ADAMTS16: variants seen among roughly 807,000 people sequenced by gnomAD.
ADAMTS16 encodes ADAM metallopeptidase with thrombospondin type 1 motif 16, also known as A disintegrin and metalloproteinase with thrombospondin motifs 16.
ADAMTS16 carries 94 observed loss-of-function variants against 145.8 expected under a neutral mutation model. The observed-to-expected ratio is 0.64, with a 90% confidence interval of 0.55 to 0.77. The LOEUF (loss-of-function observed/expected upper bound fraction) is 0.77, where lower values mean the gene tolerates loss of function less well. ADAMTS16 is among the 30% of genes least tolerant of loss of function. The pLI, the probability that ADAMTS16 is intolerant of heterozygous loss-of-function variation, is 0.00. For synonymous variants in ADAMTS16, 659 were observed against 604.3 expected (o/e 1.09, Z -1.33); for missense variants, 1,585 against 1,591.5 (o/e 1.00, Z 0.07).
chr5:5,157,564 G>A (rs943934526), intron 3 of ADAMTS16, among the ~76,000 whole-genome samples: 2 of 152,114 alleles, frequency 1.3e-5, no homozygotes, highest in African/African-American at 4.8e-5. Context: ...CACTGAATAG[G>A]TATTTGTACA....
intron 18 of ADAMTS16, among the ~76,000 whole-genome samples, chr5:5,267,576 G>A (rs1412903323): frequency 6.6e-6 from 1 of 152,114 alleles, no homozygotes; most frequent in Non-Finnish European, 1.5e-5. Flanking sequence ...GCTGGTGCCT[G>A]TCAGCGTGCC....
rs778693053 is a variant in ADAMTS16, at chr5:5,242,081, T to C, written c.2552T>C (p.Val851Ala). Residue 851 changes from valine (V) to alanine (A), a missense_variant, in exon 17 of 23, where the codon GTT (valine) becomes GCT (alanine). Transcript: ENST00000274181. ...CTGTTTCAGGGAAGGAACCCGGGTG[T>C]TGCCTGGGAATACTCCATGCCTCGC... ...ELLFQGRNPG[V>A]AWEYSMPRLG... 6.2e-7 allele frequency: 1 copy of C among 1,614,180 alleles called. No homozygotes were observed.
chr5:5,213,432 G>A (rs1336863828), intron 10 of ADAMTS16, among the ~76,000 whole-genome samples: 1 of 152,086 alleles, frequency 6.6e-6, no homozygotes, highest in Non-Finnish European at 1.5e-5. Context: ...GTAAGTTTTA[G>A]TTCCAGAATT....
At chr5:5,151,909 G>A (rs972927020) in intron 3 of ADAMTS16, among the ~76,000 whole-genome samples, 12 of 152,052 alleles carry the variant, frequency 7.9e-5, no homozygotes, top group African/African-American at 1.2e-4. Context: ...TTCTGCCACT[G>A]GGAAGGAGTG....
chr5:5,218,940 C>G (rs147094681), intron 10 of ADAMTS16, among the ~76,000 whole-genome samples: 3 of 152,196 alleles, frequency 2.0e-5, no homozygotes, highest in Non-Finnish European at 4.4e-5. Context: ...CTCTTGACCA[C>G]GTTCAGCCAC....
At chr5:5,174,854 T>C (rs777178077) in intron 3 of ADAMTS16, among the ~76,000 whole-genome samples, 2 of 152,190 alleles carry the variant, frequency 1.3e-5, no homozygotes, top group Non-Finnish European at 2.9e-5. Context: ...CTGCCTCCAA[T>C]GCTCATTCAA....
intron 14 of ADAMTS16, among the ~76,000 whole-genome samples, chr5:5,237,874 G>T (rs1579332315): frequency 6.6e-6 from 1 of 152,000 alleles, no homozygotes; most frequent in African/African-American, 2.4e-5. Flanking sequence ...GAGGGAAGGG[G>T]TGGAAAAAAA....
intron 21 of ADAMTS16, among the ~76,000 whole-genome samples, chr5:5,313,208 G>A (rs749163234): frequency 6.6e-6 from 1 of 152,094 alleles, no homozygotes; most frequent in South Asian, 2.1e-4. Flanking sequence ...TGGCTGAAAG[G>A]GCTGTGTTTA....
At chr5:5,165,207 G>A (rs976677724) in intron 3 of ADAMTS16, among the ~76,000 whole-genome samples, 1 of 152,044 alleles carries the variant, frequency 6.6e-6, no homozygotes, top group South Asian at 2.1e-4. Flanking sequence ...CACAACACTG[G>A]GTCCTCTGCT....
chr5:5,225,944 C>CATTAATTCACATGGTCATGGA (rs1736752742), intron 11 of ADAMTS16, among the ~76,000 whole-genome samples: 2 of 107,234 alleles, frequency 1.9e-5, no homozygotes, highest in African/African-American at 3.0e-5. Context: ...ATGGTCATGG[C>CATTAATTCACATGGTCATGGA]GAAATTCAAC....
At position 5,303,646 on chromosome 5, in the gene ADAMTS16, G is replaced by A. The variant is rs369520360; in HGVS notation, c.3066G>A (p.Ala1022=). 2.2e-5 allele frequency: 36 copies of A among 1,613,924 alleles called. No homozygotes were observed. The highest frequency in any genetic ancestry group is 4.5e-5 in the East Asian group (2 of 44,878). ...ACKSTNPSAR[A]QLLPDAVCTS... The stretch of plus-strand genomic sequence containing the variant: ...AGAGCACCAACCCCTCGGCCAGAGC[G>A]CAGCTGCTGCCCGACGCTGTCTGCA... Residue 1022 remains alanine (A), a synonymous_variant, in exon 20 of 23, where the codon GCG becomes GCA. Transcript: ENST00000274181.
intron 3 of ADAMTS16, among the ~76,000 whole-genome samples, chr5:5,157,709 T>A (rs1238929303): frequency 6.6e-6 from 1 of 152,322 alleles, no homozygotes; most frequent in East Asian, 1.9e-4. Context: ...TATTCTTTTA[T>A]CATAATTTAA....
At chr5:5,208,977 C>T (rs1337903255) in intron 9 of ADAMTS16, 116 bp from the exon 10 acceptor site, 21 of 1,183,218 alleles carry the variant, frequency 1.8e-5, no homozygotes, top group Middle Eastern at 2.2e-4. Flanking sequence ...AAGTTCTCCT[C>T]TTTGTATACA....
intron 18 of ADAMTS16, among the ~76,000 whole-genome samples, chr5:5,263,056 G>A (rs1211473776): frequency 6.6e-6 from 1 of 152,238 alleles, no homozygotes; most frequent in African/African-American, 2.4e-5. Context: ...CAGGCTGGCA[G>A]GAGTGATAAC....
At chr5:5,142,950 T>C (rs1425324877) in intron 2 of ADAMTS16, among the ~76,000 whole-genome samples, 1 of 152,112 alleles carries the variant, frequency 6.6e-6, no homozygotes, top group Non-Finnish European at 1.5e-5. Context: ...AAACAAGCAA[T>C]GGGGAAAGGA....
intron 10 of ADAMTS16, among the ~76,000 whole-genome samples, chr5:5,213,647 G>A (rs1468491323): frequency 5.9e-5 from 9 of 152,142 alleles, no homozygotes; most frequent in Admixed American, 5.9e-4. Context: ...TGGGCCCTGT[G>A]GTGTAGCCGG....
chr5:5,205,333 C>T (rs2126598610), intron 9 of ADAMTS16, among the ~76,000 whole-genome samples: 1 of 151,382 alleles, frequency 6.6e-6, no homozygotes, highest in African/African-American at 2.4e-5. Flanking sequence ...AAAAAAAGCT[C>T]TACTTGTCCC....
At chr5:5,198,846 G>A (rs759033675) in intron 8 of ADAMTS16, among the ~76,000 whole-genome samples, 1 of 152,166 alleles carries the variant, frequency 6.6e-6, no homozygotes, top group African/African-American at 2.4e-5. Context: ...GCTGCCTTCT[G>A]TCCACTCCTT....
intron 3 of ADAMTS16, among the ~76,000 whole-genome samples, chr5:5,175,058 C>T (rs1735149461): frequency 6.6e-6 from 1 of 152,212 alleles, no homozygotes. Context: ...CTCCTACTTT[C>T]CTTAAGCAGA....
Sources: allele counts gnomAD v4.1 joint callset (sites outside exome capture counted in the v4.1 genomes callset), GRCh38; gene constraint gnomAD v4.1.1; transcripts MANE v1.5; gene names NCBI Gene and HGNC (gene_info 2026-07-23, HGNC 2026-07-21).